RMND5A: variants seen among roughly 807,000 people sequenced by gnomAD.
The protein encoded by RMND5A is required for meiotic nuclear division 5 homolog A.
In RMND5A, 17 loss-of-function variants were observed where a neutral mutation model predicts 49.7. That is an observed-to-expected ratio of 0.34 (90% CI 0.23 to 0.51). The LOEUF (loss-of-function observed/expected upper bound fraction) is 0.51, where lower values mean the gene tolerates loss of function less well. Ranked by LOEUF, RMND5A falls within the 20% of genes least tolerant of loss-of-function variation. The pLI is 0.96. For synonymous variants in RMND5A, 156 were observed against 167.7 expected (o/e 0.93, Z 0.54); for missense variants, 255 against 471.3 (o/e 0.54, Z 4.25).
chr2:86,764,929 A>C, intron 4 of RMND5A, 98 bp from the exon 5 acceptor site: 1 of 1,182,732 alleles, frequency 8.5e-7, no homozygotes, highest in Non-Finnish European at 1.2e-6. Context: ...ACAAGATGGC[A>C]GACCAAGCCC....
rs1681279452 is a variant in RMND5A, at chr2:86,725,694, AGAAAAAATTT to A, written c.142+4886_142+4895del. Among the ~76,000 whole-genome samples, 4 of 79,476 alleles carry A rather than the reference AGAAAAAATTT, an allele frequency of 5.0e-5. 2 individuals carry two copies. The highest frequency in any genetic ancestry group is 1.1e-4 in the Non-Finnish European group (4 of 38,092). 52.1% of individuals were successfully genotyped at this position (79,476 alleles called of 152,430 possible). ...GCGTGAGCCACTGCGCCCGACCTCC[AGAAAAAATTT>A]TAAAAGAATCCAGTGAAATGACGAT... On this transcript the variant is annotated intron_variant, in intron 1 of 8. Transcript: ENST00000283632.
intron 2 of RMND5A, among the ~76,000 whole-genome samples, chr2:86,747,172 A>C (rs1418141629): frequency 6.6e-6 from 1 of 152,172 alleles, no homozygotes; most frequent in East Asian, 1.9e-4. Context: ...TTTCTCACCT[A>C]TACCTGGTAT....
rs372784969 is a variant in RMND5A, at chr2:86,775,982, A to G, written c.*2571A>G. ...TTGCCTCCACTTTACAAAAGATAAT[A>G]TGATAGAGGCAACGTTTATAACAGT... On this transcript the variant is annotated 3_prime_UTR_variant, in exon 9 of 9. Transcript: ENST00000283632. 7 of 152,344 alleles carry G rather than the reference A, an allele frequency of 4.6e-5. No homozygotes were observed. Among genetic ancestry groups the G allele is most frequent in the South Asian group, 4.1e-4 (2 of 4,824 alleles). 9.4% of individuals were successfully genotyped at this position (152,344 alleles called of 1,614,324 possible).
chr2:86,729,170 G>A (rs1225851791), intron 1 of RMND5A, among the ~76,000 whole-genome samples: 1 of 152,248 alleles, frequency 6.6e-6, no homozygotes, highest in East Asian at 1.9e-4. Context: ...ATGCTTAAAA[G>A]GTATAAGAAA....
At chr2:86,766,814 C>T (rs758350690) in intron 6 of RMND5A, among the ~76,000 whole-genome samples, 3 of 152,078 alleles carry the variant, frequency 2.0e-5, no homozygotes, top group Non-Finnish European at 4.4e-5. Flanking sequence ...CACAGCTAGA[C>T]TCCATTTCTA....
At chr2:86,729,353 A>G (rs1573428183) in intron 1 of RMND5A, among the ~76,000 whole-genome samples, 1 of 151,656 alleles carries the variant, frequency 6.6e-6, no homozygotes, top group Non-Finnish European at 1.5e-5. Context: ...CATTATTTCA[A>G]CTGAACTTTA....
intron 2 of RMND5A, among the ~76,000 whole-genome samples, chr2:86,744,947 G>C (rs1653439130): frequency 6.6e-6 from 1 of 151,882 alleles, no homozygotes; most frequent in Admixed American, 6.6e-5. Flanking sequence ...GGGATTATTG[G>C]TGTGAGCCAC....
rs1657501385 is a variant in RMND5A, at chr2:86,775,879, C to T, written c.*2468C>T. On this transcript the variant is annotated 3_prime_UTR_variant, in exon 9 of 9. Transcript: ENST00000283632. ...TCTGTCCCCCCTGCCCTAGAAACTC[C>T]ATAAATGCTGTCACAACCCTATCAT... 1 of 152,230 alleles carries T rather than the reference C, an allele frequency of 6.6e-6. No homozygotes were observed. The highest frequency in any genetic ancestry group is 6.5e-5 in the Admixed American group (1 of 15,284). 9.4% of individuals were successfully genotyped at this position (152,230 alleles called of 1,614,324 possible).
intron 1 of RMND5A, among the ~76,000 whole-genome samples, chr2:86,732,206 T>A (rs1388050562): frequency 7.1e-6 from 1 of 141,344 alleles, no homozygotes; most frequent in African/African-American, 2.9e-5. Flanking sequence ...CTTTTTATTA[T>A]CTCCTGATGG....
chr2:86,720,344 G>C lies in RMND5A; in HGVS notation c.-324G>C, dbSNP rs1178506827. On this transcript the variant is annotated 5_prime_UTR_variant, in exon 1 of 9. Transcript: ENST00000283632. ...GCCCGGGAGAACCAGGTCATCGGTCGGTTCCCGTGAAAACAAAAACAATCG... is the reference window on the plus strand; with the variant it reads ...GCCCGGGAGAACCAGGTCATCGGTCCGTTCCCGTGAAAACAAAAACAATCG... The C allele has an allele frequency of 2.6e-5, 4 of 154,130 alleles. No homozygotes were observed. Among genetic ancestry groups the C allele is most frequent in the Non-Finnish European group, 5.8e-5 (4 of 69,434 alleles). 9.5% of individuals were successfully genotyped at this position (154,130 alleles called of 1,614,324 possible). A position where few individuals can be genotyped will look rare whatever the true frequency, so the allele number is the denominator to read the frequency against.
At chr2:86,761,070 A>G (rs1672480883) in intron 4 of RMND5A, among the ~76,000 whole-genome samples, 1 of 152,090 alleles carries the variant, frequency 6.6e-6, no homozygotes, top group Non-Finnish European at 1.5e-5. Flanking sequence ...GATGGTAATT[A>G]CAAGGATATT....
At chr2:86,756,252 G>A (rs944985188) in intron 4 of RMND5A, among the ~76,000 whole-genome samples, 2 of 152,060 alleles carry the variant, frequency 1.3e-5, no homozygotes, top group South Asian at 2.1e-4. Context: ...AATTAGCTGG[G>A]TATGGTGGTG....
chr2:86,749,690 C>T lies in RMND5A; in HGVS notation c.286-2206C>T, dbSNP rs577343068. ...CAGGAGTGAGCCATCATGCCCACCC[C>T]GTTATTTCTATTCTTTAGGTTAAAT... On this transcript the variant is annotated intron_variant, in intron 2 of 8. Coordinates refer to ENST00000283632, the MANE Select transcript of RMND5A (RefSeq NM_022780.4). 3.9e-5 allele frequency among the ~76,000 whole-genome samples: 6 copies of T among 152,134 alleles called. No individual in the cohort carries two copies. The South Asian group carries it at 6.2e-4, about 16-fold the overall frequency.
chr2:86,770,094 C>T lies in RMND5A; in HGVS notation c.926C>T (p.Thr309Ile). The change falls in exon 7 of 9, where the codon ACT becomes ATT. Residue 309 changes from threonine to isoleucine, a missense_variant. By Grantham distance (89) the Thr-to-Ile change is moderately conservative. Transcript: ENST00000283632. ...GCCGTGATTGAACAGAGGCAGTGTA[C>T]TGGAGTTTGGAACCAGAAAGATGAA... ...IKAVIEQRQC[T>I]GVWNQKDELP... 6.2e-7 allele frequency: 1 copy of T among 1,613,852 alleles called. No individual in the cohort carries two copies. Among genetic ancestry groups the T allele is most frequent in the Non-Finnish European group, 8.5e-7 (1 of 1,179,774 alleles).
chr2:86,725,286 T>C (rs990934955), intron 1 of RMND5A, among the ~76,000 whole-genome samples: 2 of 148,442 alleles, frequency 1.3e-5, no homozygotes, highest in Non-Finnish European at 3.0e-5. Flanking sequence ...TGGTATAAAC[T>C]CAAATGATAA....
At chr2:86,730,012 G>C (rs1681335115) in intron 1 of RMND5A, among the ~76,000 whole-genome samples, 1 of 52,412 alleles carries the variant, frequency 1.9e-5, no homozygotes, top group Non-Finnish European at 3.6e-5. Flanking sequence ...ACCTGTCTTT[G>C]GGTACTGGTG....
At position 86,773,436 on chromosome 2, in the gene RMND5A, G is replaced by T. The variant is rs761980968; in HGVS notation, c.*25G>T. 6.7e-7 allele frequency: 1 copy of T among 1,484,734 alleles called. No individual in the cohort carries two copies. Among genetic ancestry groups the T allele is most frequent in the Non-Finnish European group, 9.4e-7 (1 of 1,062,474 alleles). 92.0% of individuals were successfully genotyped at this position (1,484,734 alleles called of 1,614,324 possible). ...AAGAGATAACTTTAGTTTGCAATTT[G>T]TAAGTGAAACTGAATCGTGGGTGCA... On this transcript the variant is annotated 3_prime_UTR_variant, in exon 9 of 9. Coordinates refer to ENST00000283632, the MANE Select transcript of RMND5A (RefSeq NM_022780.4).
chr2:86,751,869 G>T, intron 2 of RMND5A, 27 bp from the exon 3 acceptor site: 1 of 1,603,718 alleles, frequency 6.2e-7, no homozygotes, highest in South Asian at 1.1e-5. Context: ...ATCTATTTAT[G>T]ATTCCCTTTC....
At chr2:86,725,359 A>G (rs1171543077) in intron 1 of RMND5A, among the ~76,000 whole-genome samples, 1 of 142,978 alleles carries the variant, frequency 7.0e-6, no homozygotes, top group Non-Finnish European at 1.5e-5. Flanking sequence ...TGCCCACTTC[A>G]CAGACATAAA....
Sources: allele counts gnomAD v4.1 joint callset (sites outside exome capture counted in the v4.1 genomes callset), GRCh38; gene constraint gnomAD v4.1.1; transcripts MANE v1.5; gene names NCBI Gene and HGNC (gene_info 2026-07-23, HGNC 2026-07-21).